Variants in INPP5F observed in about 807,000 individuals in gnomAD.
INPP5F encodes the protein inositol polyphosphate-5-phosphatase F.
In INPP5F, 97 loss-of-function variants were observed where a neutral mutation model predicts 137.2. That is an observed-to-expected ratio of 0.71 (90% confidence interval 0.60 to 0.84). The LOEUF is 0.84. INPP5F is among the 40% of genes least tolerant of loss of function. The pLI is 0.00. For missense variants in INPP5F, 1,271 were observed against 1,371.9 expected, an observed-to-expected ratio of 0.93 and a Z score of 1.16; for synonymous variants, 504 against 476.9, an observed-to-expected ratio of 1.06 and a Z score of -0.74.
intron 2 of INPP5F, among the ~76,000 whole-genome samples, chr10:119,763,844 A>G (rs1204266991): frequency 6.6e-6 from 1 of 152,232 alleles, no homozygotes; most frequent in Non-Finnish European, 1.5e-5. Flanking sequence ...TTGCTTAGAA[A>G]TTGCCTCAGG....
In INPP5F at chr10:119,807,117, G is replaced by A. The variant is rs867359827; in HGVS notation, c.1440+637G>A. On this transcript the variant is annotated intron_variant, in intron 12 of 19. Coordinates refer to ENST00000650623, the MANE Select transcript of INPP5F (RefSeq NM_014937.4). Reference sequence around the variant, plus strand: ...GAGACCCCCTGTCTACTAAAATCCCGTCCCTACTAGCTGGGCGTGGTGGCC... The same window carrying A: ...GAGACCCCCTGTCTACTAAAATCCCATCCCTACTAGCTGGGCGTGGTGGCC... Among the ~76,000 whole-genome samples the A allele has an allele frequency of 2.6e-5, 4 of 151,996 alleles. 1 individual carries two copies. In the South Asian group the frequency reaches 8.3e-4, roughly 32 times the overall value.
intron 12 of INPP5F, 147 bp from the exon 13 acceptor site, chr10:119,807,785 T>G: frequency 1.5e-6 from 1 of 654,136 alleles, no homozygotes; most frequent in Non-Finnish European, 2.5e-6. Flanking sequence ...CAAGCACTAC[T>G]TTATTAAAAA....
chr10:119,796,042 C>T (rs189319531), intron 6 of INPP5F, among the ~76,000 whole-genome samples: 1,836 of 101,174 alleles, frequency 0.018, 55 homozygotes, highest in African/African-American at 0.065. Context: ...CGTCCAGCTT[C>T]GGCTGGGCAT....
chr10:119,825,196 A>G (rs2134305471), intron 19 of INPP5F, among the ~76,000 whole-genome samples: 1 of 152,374 alleles, frequency 6.6e-6, no homozygotes, highest in Non-Finnish European at 1.5e-5. Context: ...TAAAGAAGTC[A>G]TGACAGATAC....
chr10:119,744,196 C>A (rs1453656642), intron 1 of INPP5F, among the ~76,000 whole-genome samples: 9 of 152,172 alleles, frequency 5.9e-5, no homozygotes, highest in Admixed American at 5.9e-4. Flanking sequence ...GACTCCCCCC[C>A]TTTTTCTTGA....
intron 4 of INPP5F, 111 bp downstream of exon 4, chr10:119,791,756 C>T (rs1358988661): frequency 2.3e-5 from 30 of 1,309,078 alleles, no homozygotes; most frequent in Non-Finnish European, 3.0e-5. Context: ...TATTGAAGCA[C>T]CATCTCCTTA....
At chr10:119,730,168 G>A (rs1010183516) in intron 1 of INPP5F, among the ~76,000 whole-genome samples, 1 of 151,948 alleles carries the variant, frequency 6.6e-6, no homozygotes, top group African/African-American at 2.4e-5. Flanking sequence ...GGAGTGCAAT[G>A]GTGCGATCTC....
Position 119,827,852 on chromosome 10 carries a change from A to G in INPP5F, c.*72A>G, listed in dbSNP as rs1312729378. The G allele has an allele frequency of 1.8e-6, 2 of 1,119,068 alleles. No individual in the cohort carries two copies. The highest frequency in any genetic ancestry group is 3.1e-5 in the African/African-American group (2 of 63,990). 69.3% of individuals were successfully genotyped at this position (1,119,068 alleles called of 1,614,324 possible). A position where few individuals can be genotyped will look rare whatever the true frequency, so the allele number is the denominator to read the frequency against. On this transcript the variant is annotated 3_prime_UTR_variant, in exon 20 of 20. Coordinates refer to ENST00000650623, the MANE Select transcript of INPP5F (RefSeq NM_014937.4). ...AATTTTCACCTCTTGGGGTATTTTA[A>G]TTGTACTGTCTGAACCCAGGGATCA...
At chr10:119,741,456 T>C (rs191160681) in intron 1 of INPP5F, among the ~76,000 whole-genome samples, 1 of 152,344 alleles carries the variant, frequency 6.6e-6, no homozygotes, top group African/African-American at 2.4e-5. Context: ...TTGCCTTCAG[T>C]GGACATCTGA....
rs1240179500 is a variant in INPP5F at position 119,828,854 on chromosome 10, A to G, written c.*1074A>G. On this transcript the variant is annotated 3_prime_UTR_variant, in exon 20 of 20. Coordinates refer to ENST00000650623, the MANE Select transcript of INPP5F (RefSeq NM_014937.4). ...AGAGCAAGACCGTGTCTCAAAAACA[A>G]TTTAGTCTGAAACACAATTGTGCTG... The G allele has an allele frequency of 1.3e-5, 2 of 152,516 alleles. No individual in the cohort carries two copies. The highest frequency in any genetic ancestry group is 4.8e-5 in the African/African-American group (2 of 41,452). The allele number at this position is 152,516 out of a possible 1,614,324, so 9.4% of individuals were successfully genotyped here.
chr10:119,785,535 CGA>C (rs59804262), intron 3 of INPP5F, among the ~76,000 whole-genome samples: 4,443 of 93,524 alleles, frequency 0.048, 134 homozygotes, highest in East Asian at 0.091. Context: ...GTGATCCGCT[CGA>C]GAGAGAGAGA....
At chr10:119,806,566 A>G (rs1564843326) in intron 12 of INPP5F, 86 bp downstream of exon 12, 4 of 1,249,858 alleles carry the variant, frequency 3.2e-6, no homozygotes. Flanking sequence ...ATATTTTTCA[A>G]ATGTCAAATA....
intron 2 of INPP5F, among the ~76,000 whole-genome samples, chr10:119,759,904 CT>C (rs1246540385): frequency 1.3e-5 from 2 of 152,090 alleles, no homozygotes; most frequent in Non-Finnish European, 2.9e-5. Flanking sequence ...CTCCCCTCAG[CT>C]TGTTGCTACA....
At chr10:119,791,119 C>T (rs1238907776) in intron 3 of INPP5F, among the ~76,000 whole-genome samples, 1 of 152,176 alleles carries the variant, frequency 6.6e-6, no homozygotes, top group Non-Finnish European at 1.5e-5. Context: ...GTATTTAGCA[C>T]GGATACCTGT....
chr10:119,780,666 G>T (rs79250400), intron 2 of INPP5F, among the ~76,000 whole-genome samples: 25 of 152,320 alleles, frequency 1.6e-4, no homozygotes, highest in African/African-American at 6.0e-4. Context: ...TTCTGTGTCT[G>T]TGGATCTAAC....
At chr10:119,733,335 T>G (rs1848137695) in intron 1 of INPP5F, among the ~76,000 whole-genome samples, 2 of 152,166 alleles carry the variant, frequency 1.3e-5, no homozygotes, top group African/African-American at 4.8e-5. Flanking sequence ...CTAGTAGTAG[T>G]TTTTCCAGCT....
In INPP5F at chr10:119,806,458, C is replaced by T. The variant is rs374196186; in HGVS notation, c.1418C>T (p.Ala473Val). ...DRTNVVQAAI[A>V]RVVMEQQLKK... ...ACCAACGTGGTCCAAGCTGCCATCG[C>T]GAGAGTGGTCATGGAACAGCAGGTA... The change falls in exon 12 of 20, where the codon GCG (alanine) becomes GTG (valine). Residue 473 changes from alanine to valine, a missense_variant. By Grantham distance (64) the Ala-to-Val change is moderately conservative. Coordinates refer to ENST00000650623, the MANE Select transcript of INPP5F (RefSeq NM_014937.4). 2.2e-5 allele frequency: 36 copies of T among 1,606,880 alleles called. No homozygotes were observed. Among genetic ancestry groups the T allele is most frequent in the Non-Finnish European group, 1.5e-5 (18 of 1,177,378 alleles).
At chr10:119,726,503 C>T (rs1266109325) in intron 1 of INPP5F, 144 bp downstream of exon 1, 2 of 330,894 alleles carry the variant, frequency 6.0e-6, no homozygotes, top group Non-Finnish European at 1.0e-5. Flanking sequence ...CGCGAGCTGT[C>T]ATTATTCCCT....
Position 119,827,061 on chromosome 10 carries a change from A to G in INPP5F, c.2680A>G (p.Ile894Val), listed in dbSNP as rs764405320. The change falls in exon 20 of 20, where the codon ATT (isoleucine) becomes GTT (valine). Residue 894 changes from isoleucine (I) to valine (V), a missense_variant. Around this residue, in one of 6 missense-constraint regions of INPP5F, gnomAD observed 490 missense variants for 443.7 expected, o/e 1.10. Coordinates refer to ENST00000650623, the MANE Select transcript of INPP5F (RefSeq NM_014937.4). ...AGATTACGTTCTTCCTAGTTGTGGT[A>G]TTATTGCCTCAGCGCCTCGATTGGG... ...PIDYVLPSCG[I>V]IASAPRLGSR... The G allele has an allele frequency of 6.2e-7, 1 of 1,614,088 alleles. No homozygotes were observed. The highest frequency in any genetic ancestry group is 1.7e-5 in the Admixed American group (1 of 60,004).
Sources: gnomAD v4.1 joint callset for allele counts (sites outside exome capture counted in the v4.1 genomes callset) on GRCh38, gnomAD v4.1.1 for gene constraint, gnomAD v4.1.1 regional missense constraint, MANE v1.5 for transcripts, NCBI Gene and HGNC (gene_info 2026-07-23, HGNC 2026-07-21) for gene names.